Variants in CHD1 observed in about 807,000 individuals in gnomAD.
CHD1 encodes the protein chromodomain helicase DNA binding protein 1, also known as ATP-dependent chromatin remodeler CHD1.
Under a neutral mutation model 224.2 loss-of-function variants are expected in CHD1, and 36 were observed. The observed-to-expected ratio is 0.16, with a 90% confidence interval of 0.12 to 0.21. CHD1 has a LOEUF of 0.21. Among genes scored for constraint, CHD1 ranks in the 10% least tolerant of loss-of-function variants. CHD1 has a pLI of 1.00. For missense variants in CHD1, 1,378 were observed against 1,994.8 expected (o/e 0.69, Z 5.89); for synonymous variants, 668 against 658.3 (o/e 1.01, Z -0.23).
intron 17 of CHD1, among the ~76,000 whole-genome samples, chr5:98,887,573 T>C (rs1410922668): frequency 2.6e-5 from 4 of 152,174 alleles, no homozygotes; most frequent in Non-Finnish European, 5.9e-5. Context: ...TTTAGTTATA[T>C]TGAATGAACT....
chr5:98,923,875 G>A (rs1753271612), intron 2 of CHD1, among the ~76,000 whole-genome samples: 1 of 152,174 alleles, frequency 6.6e-6, no homozygotes, highest in South Asian at 2.1e-4. Context: ...TTACTCTCGA[G>A]TCTTATCTCC....
chr5:98,879,580 A>G lies in CHD1; in HGVS notation c.3209T>C (p.Leu1070Pro). The change falls in exon 23 of 36, where the codon CTC becomes CCC. Residue 1070 changes from leucine to proline, a missense_variant. Physicochemically the swap from Leu to Pro is moderately conservative, Grantham distance 98. Coordinates refer to ENST00000614616, the MANE Select transcript of CHD1 (RefSeq NM_001270.4). ...TTTTGCACAATTTCTCATTCTTGGG[A>G]GCATATAAATTTCTTCAAGTTCCTT... ...RQKELEEIYMLPRMRNCAKQI... is the reference protein window; with the variant it reads ...RQKELEEIYMPPRMRNCAKQI... 1 of 1,599,162 alleles carries G rather than the reference A, an allele frequency of 6.3e-7. No individual in the cohort carries two copies. Among genetic ancestry groups the G allele is most frequent in the Non-Finnish European group, 8.5e-7 (1 of 1,176,488 alleles).
In CHD1 at chr5:98,858,409, T is replaced by C. The variant is rs1161648226; in HGVS notation, c.4577-19A>G. Reference sequence around the variant, plus strand: ...TCCACATCTGTTAGATAAGTACAACTTTTATTAATGACCTTAAAAATAATG... The same window carrying C: ...TCCACATCTGTTAGATAAGTACAACCTTTATTAATGACCTTAAAAATAATG... On this transcript the variant is annotated intron_variant, in intron 34 of 35. Transcript: ENST00000614616. The C allele has an allele frequency of 1.9e-6, 3 of 1,581,432 alleles. No individual in the cohort carries two copies. The African/African-American group carries it at 4.1e-5, about 21-fold the overall frequency.
intron 7 of CHD1, among the ~76,000 whole-genome samples, chr5:98,900,101 T>C (rs1477558399): frequency 6.6e-6 from 1 of 151,726 alleles, no homozygotes; most frequent in Non-Finnish European, 1.5e-5. Context: ...GCTAACACGG[T>C]GAAACCCCAT....
rs1561489348 is a variant in CHD1 at position 98,870,704 on chromosome 5, CT to C, written c.3960del (p.Glu1321LysfsTer22). ...TAACTTACCGCACCAGAAAGAGCTTCTTTTTTTGCAAGATCTCTACTAAGTA... is the reference window on the plus strand; with the variant it reads ...TAACTTACCGCACCAGAAAGAGCTTCTTTTTTGCAAGATCTCTACTAAGTA... ...IKLLSRDLAK[K>X]EALSGAGSSK... is the part of the protein sequence containing the mutation. On this transcript the variant is annotated frameshift_variant, in exon 29 of 36. Transcript: ENST00000614616. LOFTEE classifies it high-confidence loss of function. 6.3e-7 allele frequency: 1 copy of C among 1,596,168 alleles called. No individual in the cohort carries two copies. The highest frequency in any genetic ancestry group is 1.1e-5 in the South Asian group (1 of 88,130).
At position 98,863,484 on chromosome 5, in the gene CHD1, A is replaced by C; in HGVS notation, c.4351T>G (p.Leu1451Val). 1 of 1,608,102 alleles carries C rather than the reference A, an allele frequency of 6.2e-7. No individual in the cohort carries two copies. Among genetic ancestry groups the C allele is most frequent in the Non-Finnish European group, 8.5e-7 (1 of 1,176,704 alleles). ...REQLEHTRQCLIKIGDHITEC... is the reference protein window; with the variant it reads ...REQLEHTRQCVIKIGDHITEC... ...GTGATATGGTCTCCAATTTTTATTAAACATTGTCTAGTATGCTCTAGTTGT... is the reference window on the plus strand; with the variant it reads ...GTGATATGGTCTCCAATTTTTATTACACATTGTCTAGTATGCTCTAGTTGT... Residue 1451 changes from leucine (L) to valine (V), a missense_variant, in exon 32 of 36, where the codon TTA (leucine) becomes GTA (valine). Physicochemically the swap from Leu to Val is conservative, Grantham distance 32. Around this residue, in one of 16 missense-constraint regions of CHD1, gnomAD observed 23 missense variants for 65.8 expected, o/e 0.35. Transcript: ENST00000614616.
intron 18 of CHD1, 54 bp from the exon 19 acceptor site, chr5:98,883,291 G>C (rs1011131015): frequency 7.0e-6 from 9 of 1,280,768 alleles, no homozygotes; most frequent in Non-Finnish European, 8.7e-6. Context: ...TTTTCTGAAC[G>C]TAAGCAGTAT....
intron 17 of CHD1, among the ~76,000 whole-genome samples, chr5:98,886,622 T>A (rs1393332220): frequency 1.3e-5 from 2 of 152,172 alleles, no homozygotes; most frequent in African/African-American, 4.8e-5. Flanking sequence ...ATATGAATTT[T>A]AACTCTGCGA....
chr5:98,857,256 A>G (rs1748104480), intron 35 of CHD1, among the ~76,000 whole-genome samples: 1 of 152,114 alleles, frequency 6.6e-6, no homozygotes, highest in Non-Finnish European at 1.5e-5. Flanking sequence ...ACTCCATACA[A>G]ACATGTGACA....
intron 26 of CHD1, 132 bp downstream of exon 26, chr5:98,873,461 C>T: frequency 3.0e-6 from 2 of 676,102 alleles, no homozygotes; most frequent in South Asian, 7.8e-5. Context: ...CCCAGAATAG[C>T]TTTACTTTGT....
intron 12 of CHD1, among the ~76,000 whole-genome samples, chr5:98,895,426 CTGTT>C (rs1751281936): frequency 1.3e-5 from 2 of 152,146 alleles, no homozygotes; most frequent in African/African-American, 2.4e-5. Flanking sequence ...ATTCTTCTGT[CTGTT>C]CTCATGCATA....
Position 98,901,054 on chromosome 5 carries a change from G to C in CHD1, c.616C>G (p.Leu206Val), listed in dbSNP as rs758537316. ...RSKSKNGKKI[L>V]GQKKRQIDSS... ...TCAATCTGTCTCTTTTTTTGTCCAA[G>C]AATCTTCTTTCCATTTTTTGACTTA... Residue 206 changes from leucine to valine, a missense_variant, in exon 7 of 36, where the codon CTT (leucine) becomes GTT (valine). Around this residue, in one of 16 missense-constraint regions of CHD1, gnomAD observed 306 missense variants for 298.1 expected, o/e 1.03. Coordinates refer to ENST00000614616, the MANE Select transcript of CHD1 (RefSeq NM_001270.4). 1.3e-6 allele frequency: 2 copies of C among 1,596,204 alleles called. No homozygotes were observed. The highest frequency in any genetic ancestry group is 8.5e-7 in the Non-Finnish European group (1 of 1,174,318).
rs774679315 is a variant in CHD1 at position 98,896,230 on chromosome 5, T to C, written c.1706A>G (p.Asn569Ser). Reference protein sequence around the residue: ...VVYLGDINSRNMIRTHEWTHH... With the variant: ...VVYLGDINSRSMIRTHEWTHH... ...ATTTACAGGGAAACAACTTACCATG[T>C]TTCTGCTGTTAATGTCACCTAAATA... The change falls in exon 12 of 36, where the codon AAC (asparagine) becomes AGC (serine). Residue 569 changes from asparagine (N) to serine (S), a missense_variant. Physicochemically the swap from Asn to Ser is conservative, Grantham distance 46 (BLOSUM62 1). Coordinates refer to ENST00000614616, the MANE Select transcript of CHD1 (RefSeq NM_001270.4). 3.1e-6 allele frequency: 5 copies of C among 1,609,598 alleles called. No homozygotes were observed. The highest frequency in any genetic ancestry group is 1.3e-5 in the African/African-American group (1 of 74,924).
intron 2 of CHD1, among the ~76,000 whole-genome samples, chr5:98,922,995 AAG>A (rs1290279989): frequency 2.9e-4 from 44 of 150,170 alleles, no homozygotes; most frequent in African/African-American, 9.8e-4. Context: ...GCTCAAAAAA[AAG>A]AAAAAAAATT....
At chr5:98,883,533 T>C (rs944923472) in intron 18 of CHD1, among the ~76,000 whole-genome samples, 15 of 151,948 alleles carry the variant, frequency 9.9e-5, no homozygotes, top group Non-Finnish European at 1.9e-4. Context: ...AAGAACTCTA[T>C]GGAAAACAGC....
At chr5:98,869,613 C>CGT (rs1749163697) in intron 30 of CHD1, 141 bp downstream of exon 30, 2 of 771,494 alleles carry the variant, frequency 2.6e-6, no homozygotes, top group Non-Finnish European at 4.0e-6. Context: ...TGCGTGCGCA[C>CGT]GTGCGCGCGC....
chr5:98,889,007 T>G, intron 16 of CHD1, 69 bp downstream of exon 16: 1 of 1,121,700 alleles, frequency 8.9e-7, no homozygotes, highest in Non-Finnish European at 1.3e-6. Flanking sequence ...ATTGAGCCAT[T>G]TTCGATTGTA....
Position 98,869,764 on chromosome 5 carries a change from T to C in CHD1, c.4097A>G (p.Asp1366Gly). Residue 1366 changes from aspartate to glycine, a missense_variant, in exon 30 of 36, where the codon GAT becomes GGT. Around this residue, in one of 16 missense-constraint regions of CHD1, gnomAD observed 105 missense variants for 93.4 expected, o/e 1.12. Coordinates refer to ENST00000614616, the MANE Select transcript of CHD1 (RefSeq NM_001270.4). ...AAAACACATTCTTACTTTATCATCA[T>C]CTTCATCAGACTTCTCTGAAGGCAG... ...SPLPSEKSDEDDDKLSESKSD... is the reference protein window; with the variant it reads ...SPLPSEKSDEGDDKLSESKSD... The C allele has an allele frequency of 6.2e-7, 1 of 1,613,466 alleles. No individual in the cohort carries two copies. Among genetic ancestry groups the C allele is most frequent in the South Asian group, 1.1e-5 (1 of 90,880 alleles).
chr5:98,875,177 T>C (rs1198357520), intron 24 of CHD1, 64 bp from the exon 25 acceptor site: 1 of 904,608 alleles, frequency 1.1e-6, no homozygotes, highest in South Asian at 1.5e-5. Context: ...TACGTATTTC[T>C]GATATTTACA....
Sources: allele counts gnomAD v4.1 joint callset (sites outside exome capture counted in the v4.1 genomes callset), GRCh38; gene constraint gnomAD v4.1.1; regional missense constraint gnomAD v4.1.1; transcripts MANE v1.5; gene names NCBI Gene and HGNC (gene_info 2026-07-23, HGNC 2026-07-21).